Variants in RBBP6 observed in about 807,000 individuals in gnomAD.
RBBP6 encodes RB binding protein 6, ubiquitin ligase.
In RBBP6, 25 loss-of-function variants were observed where a neutral mutation model predicts 167.7. That is an observed-to-expected ratio of 0.15 (90% confidence interval 0.11 to 0.21). The LOEUF is 0.21. RBBP6 is among the 10% of genes least tolerant of loss of function. RBBP6 has a pLI of 1.00. For synonymous variants in RBBP6, 789 were observed against 735.8 expected (o/e 1.07, Z -1.17); for missense variants, 1,868 against 2,134.2 (o/e 0.88, Z 2.46).
chr16:24,571,404 T>A lies in RBBP6; in HGVS notation c.4338T>A (p.Ser1446=). 2 of 1,613,870 alleles carry A rather than the reference T, an allele frequency of 1.2e-6. No individual in the cohort carries two copies. The highest frequency in any genetic ancestry group is 1.7e-6 in the Non-Finnish European group (2 of 1,180,000). Residue 1446 remains serine, a synonymous_variant, in exon 18 of 18, where the codon TCT becomes TCA. Transcript: ENST00000319715. ...GAAATTTTAAAAGTCTGTCTCAATC[T>A]TCCAAAGAGGCTAGAACGTCAGATA... is the stretch of plus-strand genomic sequence containing the variant. ...EQGNFKSLSQ[S]SKEARTSDKH...
At chr16:24,552,778 G>A (rs887270196) in intron 3 of RBBP6, among the ~76,000 whole-genome samples, 2 of 151,332 alleles carry the variant, frequency 1.3e-5, no homozygotes, top group Non-Finnish European at 3.0e-5. Flanking sequence ...GAATGCTTAA[G>A]GCTCATTAAA....
chr16:24,541,562 C>G (rs765826759), intron 1 of RBBP6, among the ~76,000 whole-genome samples: 10 of 152,068 alleles, frequency 6.6e-5, no homozygotes, highest in Non-Finnish European at 1.2e-4. Flanking sequence ...ACTGTTGATA[C>G]TAAGGTACTG....
intron 7 of RBBP6, chr16:24,558,388 T>TC: frequency 3.8e-6 from 3 of 796,416 alleles, no homozygotes; most frequent in Non-Finnish European, 4.6e-6. Context: ...TTTTTTCTTT[T>TC]TTTTTTTTTT....
At position 24,571,785 on chromosome 16, in the gene RBBP6, A is replaced by G. The variant is rs760152849; in HGVS notation, c.4719A>G (p.Val1573=). Residue 1573 remains valine, a synonymous_variant, in exon 18 of 18, where the codon GTA becomes GTG. Transcript: ENST00000319715. ...KNPCKDREKH[V]LEARNNKESS... ...CTTGTAAGGATCGTGAGAAGCATGT[A>G]TTAGAAGCAAGGAACAATAAAGAGT... 4.3e-6 allele frequency: 7 copies of G among 1,614,022 alleles called. No individual in the cohort carries two copies. Among genetic ancestry groups the G allele is most frequent in the East Asian group, 2.2e-5 (1 of 44,872 alleles).
rs371104285 is a variant in RBBP6, at chr16:24,570,400, C to T, written c.3710C>T (p.Ser1237Leu). The part of the protein sequence containing the change: ...NTKEPSEKLE[S>L]TSSKVKQEKV... ...AAAGAACCCTCTGAAAAATTGGAGT[C>T]AACATCTAGCAAAGTTAAACAAGAA... Residue 1237 changes from serine (S) to leucine (L), a missense_variant, in exon 17 of 18, where the codon TCA becomes TTA. Ser to Leu is a moderately radical substitution (Grantham distance 145). This residue lies in a region of RBBP6 where 673 missense variants were observed against 691.5 expected (regional missense o/e 0.97). Coordinates refer to ENST00000319715, the MANE Select transcript of RBBP6 (RefSeq NM_006910.5). The T allele has an allele frequency of 1.2e-6, 2 of 1,611,600 alleles. No individual in the cohort carries two copies. Among genetic ancestry groups the T allele is most frequent in the East Asian group, 4.5e-5 (2 of 44,860 alleles).
At chr16:24,562,670 GTC>G (rs1899093964) in intron 10 of RBBP6, among the ~76,000 whole-genome samples, 1 of 145,932 alleles carries the variant, frequency 6.9e-6, no homozygotes, top group Non-Finnish European at 1.5e-5. Context: ...GTAGTTTAAT[GTC>G]TCATAAATTC....
At chr16:24,540,990 T>C (rs374681614) in intron 1 of RBBP6, among the ~76,000 whole-genome samples, 198 bp downstream of exon 1, 22 of 152,224 alleles carry the variant, frequency 1.4e-4, no homozygotes, top group African/African-American at 5.1e-4. Flanking sequence ...TTCTGCATAC[T>C]TGGGTCATCT....
chr16:24,567,915 A>G, intron 16 of RBBP6, 22 bp downstream of exon 16: 1 of 1,564,080 alleles, frequency 6.4e-7, no homozygotes, highest in Non-Finnish European at 8.8e-7. Context: ...GCAAGCCTTC[A>G]CAACAGAATT....
rs369736178 is a variant in RBBP6 at position 24,563,527 on chromosome 16, C to T, written c.1465+26C>T. ...GTGAGTAAGATCACTTTGGTTTAGA[C>T]CTTTTTCCCTTTAAAAAATAATTTT... On this transcript the variant is annotated intron_variant, in intron 12 of 17. Coordinates refer to ENST00000319715, the MANE Select transcript of RBBP6 (RefSeq NM_006910.5). 3 of 1,611,402 alleles carry T rather than the reference C, an allele frequency of 1.9e-6. No homozygotes were observed. The African/African-American group carries it at 4.0e-5, about 22-fold the overall frequency.
rs564606151 is a variant in RBBP6 at position 24,548,043 on chromosome 16, T to A, written c.267-902T>A. ...GAAAATCAAAGCTCAGTTTTTTTTT[T>A]ATCTCAAATTCCAAATTATACACAC... On this transcript the variant is annotated intron_variant, in intron 2 of 17. Coordinates refer to ENST00000319715, the MANE Select transcript of RBBP6 (RefSeq NM_006910.5). Among the ~76,000 whole-genome samples the A allele has an allele frequency of 2.7e-3, 403 of 150,918 alleles. 3 individuals are homozygous for A. Among genetic ancestry groups the A allele is most frequent in the African/African-American group, 9.3e-3 (381 of 41,134 alleles).
At chr16:24,564,949 C>A in intron 14 of RBBP6, 84 bp downstream of exon 14, 1 of 1,511,380 alleles carries the variant, frequency 6.6e-7, no homozygotes, top group South Asian at 1.3e-5. Context: ...ACAGCAGTGG[C>A]AGGAAGGAAG....
In RBBP6 at chr16:24,572,843, G is replaced by C; in HGVS notation, c.*398G>C. The C allele has an allele frequency of 6.2e-6, 1 of 161,630 alleles. No individual in the cohort carries two copies. The highest frequency in any genetic ancestry group is 1.3e-5 in the Non-Finnish European group (1 of 74,372). The allele number at this position is 161,630 out of a possible 1,614,324, so 10.0% of individuals were successfully genotyped here. ...ATGTCACTTTTTGATTACAATAAAA[G>C]TTTTCAGTAAACTTTTCAAATGTTG... On this transcript the variant is annotated 3_prime_UTR_variant, in exon 18 of 18. Coordinates refer to ENST00000319715, the MANE Select transcript of RBBP6 (RefSeq NM_006910.5).
At chr16:24,564,722 A>ACAG in intron 13 of RBBP6, 75 bp from the exon 14 acceptor site, 1 of 1,494,562 alleles carries the variant, frequency 6.7e-7, no homozygotes, top group South Asian at 1.4e-5. Flanking sequence ...TGGTGTCTTA[A>ACAG]CAGCTATGCA....
rs138417857 is a variant in RBBP6, at chr16:24,571,374, A to G, written c.4308A>G (p.Glu1436=). The change falls in exon 18 of 18, where the codon GAA becomes GAG. Residue 1436 remains glutamate (E), a synonymous_variant. Coordinates refer to ENST00000319715, the MANE Select transcript of RBBP6 (RefSeq NM_006910.5). The part of the protein sequence containing the change: ...EKESNLDRLN[E]QGNFKSLSQS... ...AGAGTAATTTGGACCGTCTGAATGA[A>G]CAAGGAAATTTTAAAAGTCTGTCTC... 155 of 1,613,964 alleles carry G rather than the reference A, an allele frequency of 9.6e-5. No homozygotes were observed. Among genetic ancestry groups the G allele is most frequent in the Non-Finnish European group, 1.3e-4 (148 of 1,180,020 alleles).
chr16:24,553,557 GGTAT>G lies in RBBP6; in HGVS notation c.348+1_348+4del. 6.6e-7 allele frequency: 1 copy of G among 1,524,896 alleles called. No individual in the cohort carries two copies. The highest frequency in any genetic ancestry group is 8.8e-7 in the Non-Finnish European group (1 of 1,141,722). 94.5% of individuals were successfully genotyped at this position (1,524,896 alleles called of 1,614,324 possible). A position where few individuals can be genotyped will look rare whatever the true frequency, so the allele number is the denominator to read the frequency against. On this transcript the variant is annotated splice_donor_variant and splice_donor_region_variant and intron_variant, in intron 4 of 17. Coordinates refer to ENST00000319715, the MANE Select transcript of RBBP6 (RefSeq NM_006910.5). LOFTEE classifies it high-confidence loss of function. ...CTATTTCTCTGGCCCAGCTTACAAA[GGTAT>G]ATATATATATATATTCTTGAAAATA...
In RBBP6 at chr16:24,572,048, T is replaced by C. The variant is rs1292249772; in HGVS notation, c.4982T>C (p.Ile1661Thr). The C allele has an allele frequency of 3.7e-6, 6 of 1,614,106 alleles. No individual in the cohort carries two copies. The Admixed American group carries it at 1.0e-4, about 27-fold the overall frequency. Reference sequence around the variant, plus strand: ...AAAGAAGAGGAATCTTCAGGAAACATTTCTAAGGACCTGAAAGATAAAATA... The same window carrying C: ...AAAGAAGAGGAATCTTCAGGAAACACTTCTAAGGACCTGAAAGATAAAATA... ...SVKEEESSGNISKDLKDKIVE... is the reference protein window; with the variant it reads ...SVKEEESSGNTSKDLKDKIVE... The change falls in exon 18 of 18, where the codon ATT (isoleucine) becomes ACT (threonine). Residue 1661 changes from isoleucine (I) to threonine (T), a missense_variant. Ile to Thr is a moderately conservative substitution (Grantham distance 89). Coordinates refer to ENST00000319715, the MANE Select transcript of RBBP6 (RefSeq NM_006910.5).
chr16:24,572,214 C>T lies in RBBP6; in HGVS notation c.5148C>T (p.Ser1716=), dbSNP rs1899358129. Residue 1716 remains serine (S), a synonymous_variant, in exon 18 of 18, where the codon AGC becomes AGT. Coordinates refer to ENST00000319715, the MANE Select transcript of RBBP6 (RefSeq NM_006910.5). The stretch of plus-strand genomic sequence containing the variant: ...GAAGCCAGACCCGAAGCCACAGTAG[C>T]AGTGCCAGCTCAGCAGAAAGTCAGG... ...PSGSQTRSHS[S]SASSAESQDS... is the part of the protein sequence containing the mutation. 3 of 1,613,820 alleles carry T rather than the reference C, an allele frequency of 1.9e-6. No individual in the cohort carries two copies. Among genetic ancestry groups the T allele is most frequent in the African/African-American group, 2.7e-5 (2 of 74,832 alleles).
intron 3 of RBBP6, chr16:24,549,196 C>G (rs774392196): frequency 2.7e-5 from 39 of 1,422,030 alleles, no homozygotes; most frequent in Non-Finnish European, 3.5e-5. Flanking sequence ...GCCCGTAACA[C>G]TGTTTCATAT....
Position 24,568,779 on chromosome 16 carries a change from A to G in RBBP6, c.2089A>G (p.Arg697Gly), listed in dbSNP as rs1411183116. 1.9e-6 allele frequency: 3 copies of G among 1,613,998 alleles called. No individual in the cohort carries two copies. The highest frequency in any genetic ancestry group is 2.5e-6 in the Non-Finnish European group (3 of 1,179,990). The change falls in exon 17 of 18, where the codon AGA (arginine) becomes GGA (glycine). Residue 697 changes from arginine (R) to glycine (G), a missense_variant. Physicochemically the swap from Arg to Gly is moderately radical, Grantham distance 125. Transcript: ENST00000319715. Reference protein sequence around the residue: ...KSPYSGSSYSRSSYTYSKSRS... With the variant: ...KSPYSGSSYSGSSYTYSKSRS... ...TCCCTATAGTGGTTCTTCGTATTCA[A>G]GAAGTTCATATACTTATTCTAAATC...
Sources: allele counts gnomAD v4.1 joint callset (sites outside exome capture counted in the v4.1 genomes callset), GRCh38; gene constraint gnomAD v4.1.1; regional missense constraint gnomAD v4.1.1; transcripts MANE v1.5; gene names NCBI Gene and HGNC (gene_info 2026-07-23, HGNC 2026-07-21).